SPATA13: variants seen among roughly 807,000 people sequenced by gnomAD.
The protein encoded by SPATA13 is spermatogenesis-associated protein 13.
A neutral mutation model predicts 104.0 loss-of-function variants in SPATA13; 50 were observed. The ratio of observed to expected loss-of-function variants is 0.48; its 90% CI spans 0.38 to 0.61. SPATA13 has a LOEUF of 0.61. SPATA13 is among the 20% of genes least tolerant of loss of function. The pLI, the probability that SPATA13 is intolerant of heterozygous loss-of-function variation, is 0.00. For missense variants in SPATA13, 1,524 were observed against 1,690.6 expected (o/e 0.90, Z 1.73); for synonymous variants, 606 against 667.5 (o/e 0.91, Z 1.42).
intron 1 of SPATA13, among the ~76,000 whole-genome samples, chr13:24,216,998 T>G (rs996889440): frequency 1.3e-5 from 2 of 152,102 alleles, no homozygotes; most frequent in Non-Finnish European, 2.9e-5. Context: ...TGCAGTGTGC[T>G]GAAATTGTGC....
chr13:24,068,349 C>T (rs1879039494), intron 3 of SPATA13, among the ~76,000 whole-genome samples: 1 of 152,176 alleles, frequency 6.6e-6, no homozygotes, highest in Non-Finnish European at 1.5e-5. Flanking sequence ...CATAGTATTC[C>T]ATGGTATATA....
chr13:24,056,650 G>C (rs910072929), intron 3 of SPATA13, among the ~76,000 whole-genome samples: 10 of 152,226 alleles, frequency 6.6e-5, no homozygotes, highest in African/African-American at 2.2e-4. Context: ...GATATATGTT[G>C]AGTGAATGGA....
chr13:24,248,844 A>C (rs1447707988), intron 2 of SPATA13, among the ~76,000 whole-genome samples: 1 of 151,592 alleles, frequency 6.6e-6, no homozygotes, highest in Non-Finnish European at 1.5e-5. Flanking sequence ...TATGATAGTT[A>C]TAAAGTTCAT....
chr13:24,281,230 A>G (rs1566189999), intron 4 of SPATA13, among the ~76,000 whole-genome samples: 4 of 152,242 alleles, frequency 2.6e-5, no homozygotes, highest in Admixed American at 2.0e-4. Context: ...TAGGCCCGGG[A>G]ATTTACTCCT....
intron 7 of SPATA13, among the ~76,000 whole-genome samples, chr13:24,287,302 C>T (rs1876026243): frequency 6.6e-6 from 1 of 152,168 alleles, no homozygotes. Context: ...GCTAGGGCTA[C>T]AGGCATGCAT....
intron 3 of SPATA13, among the ~76,000 whole-genome samples, chr13:24,130,432 A>G (rs1319245089): frequency 1.3e-5 from 2 of 152,220 alleles, no homozygotes; most frequent in African/African-American, 4.8e-5. Flanking sequence ...TGAATCAGAG[A>G]AGAGAGAAAA....
intron 3 of SPATA13, among the ~76,000 whole-genome samples, chr13:24,129,041 C>T (rs568478970): frequency 8.5e-5 from 13 of 152,342 alleles, no homozygotes; most frequent in African/African-American, 2.2e-4. Context: ...TGTTGTCACC[C>T]TGTGGCACCG....
chr13:24,105,613 G>A (rs933597413), intron 3 of SPATA13, among the ~76,000 whole-genome samples: 1 of 152,136 alleles, frequency 6.6e-6, no homozygotes, highest in Non-Finnish European at 1.5e-5. Flanking sequence ...GCCTACGGAG[G>A]ATGTGCTTTA....
intron 9 of SPATA13, among the ~76,000 whole-genome samples, chr13:24,291,946 CG>C (rs373570549): frequency 0.074 from 11,094 of 149,838 alleles, 471 homozygotes; most frequent in Non-Finnish European, 0.097. Flanking sequence ...TTAGTAGAGA[CG>C]GGGTTTCACC....
intron 3 of SPATA13, among the ~76,000 whole-genome samples, chr13:24,059,783 C>T (rs1330501729): frequency 2.0e-5 from 3 of 152,118 alleles, no homozygotes; most frequent in Non-Finnish European, 4.4e-5. Context: ...AAGATCATGT[C>T]GTCTGCATAC....
chr13:24,032,689 T>C (rs776026690), intron 3 of SPATA13, among the ~76,000 whole-genome samples: 3 of 152,226 alleles, frequency 2.0e-5, no homozygotes, highest in Non-Finnish European at 4.4e-5. Flanking sequence ...GCAGAATAAC[T>C]TCAAAATAAC....
At chr13:24,122,205 G>GT in intron 3 of SPATA13, 1 of 1,467,024 alleles carries the variant, frequency 6.8e-7, no homozygotes, top group Non-Finnish European at 9.6e-7. Context: ...GCTATATACT[G>GT]TAACTGTTTT....
intron 3 of SPATA13, among the ~76,000 whole-genome samples, chr13:24,033,192 T>C (rs1312000570): frequency 1.3e-5 from 2 of 152,232 alleles, no homozygotes; most frequent in African/African-American, 4.8e-5. Context: ...ACTCCCACTC[T>C]GTGTGAAGCC....
At chr13:24,029,028 G>T (rs955578341) in intron 3 of SPATA13, among the ~76,000 whole-genome samples, 13 of 151,882 alleles carry the variant, frequency 8.6e-5, no homozygotes, top group Admixed American at 5.2e-4. Context: ...CTCGTATGTG[G>T]TTTTTTTGTT....
At chr13:24,270,865 C>T in intron 4 of SPATA13, 1 of 1,612,786 alleles carries the variant, frequency 6.2e-7, no homozygotes, top group Non-Finnish European at 8.5e-7. Flanking sequence ...AGGATGGTAG[C>T]TAGAGGGGAG....
intron 3 of SPATA13, among the ~76,000 whole-genome samples, chr13:24,056,743 T>G (rs1878559661): frequency 1.3e-5 from 2 of 152,096 alleles, no homozygotes; most frequent in Admixed American, 6.6e-5. Context: ...GTGGCTTTGT[T>G]TTTTGGGAGA....
intron 2 of SPATA13, among the ~76,000 whole-genome samples, chr13:24,236,873 A>C (rs1339358792): frequency 6.6e-6 from 1 of 152,188 alleles, no homozygotes; most frequent in Non-Finnish European, 1.5e-5. Flanking sequence ...TGTATGATCC[A>C]GCAATTCCGT....
intron 3 of SPATA13, among the ~76,000 whole-genome samples, chr13:24,082,258 C>T (rs187396306): frequency 1.2e-4 from 18 of 152,304 alleles, no homozygotes; most frequent in Non-Finnish European, 2.5e-4. Context: ...CTCATAAGCA[C>T]GTAAGTGTTC....
chr13:24,034,977 C>CCATCTTTA (rs1334188860), intron 3 of SPATA13: 1 of 152,188 alleles, frequency 6.6e-6, no homozygotes, highest in Non-Finnish European at 1.5e-5. Flanking sequence ...GCAACTGTGG[C>CCATCTTTA]CATCTTTACC....
Sources: gnomAD v4.1 joint callset for allele counts (sites outside exome capture counted in the v4.1 genomes callset) on GRCh38, gnomAD v4.1.1 for gene constraint, MANE v1.5 for transcripts, NCBI Gene and HGNC (gene_info 2026-07-23, HGNC 2026-07-21) for gene names.